The following GALNTL6 variants were observed in gnomAD, a reference collection of about 807,000 sequenced individuals.
GALNTL6 encodes the protein polypeptide N-acetylgalactosaminyltransferase-like 6.
A neutral mutation model predicts 73.7 loss-of-function variants in GALNTL6; 46 were observed. That is an observed-to-expected ratio of 0.62 (90% CI 0.49 to 0.80). The LOEUF (loss-of-function observed/expected upper bound fraction) is 0.80. Among genes scored for constraint, GALNTL6 ranks in the 30% least tolerant of loss-of-function variants. The pLI, the probability that GALNTL6 is intolerant of heterozygous loss-of-function variation, is 0.00. For synonymous variants in GALNTL6, 259 were observed against 263.7 expected (o/e 0.98, Z 0.17); for missense variants, 604 against 755.0 (o/e 0.80, Z 2.34).
At chr4:172,099,039 C>G (rs1280981550) in intron 2 of GALNTL6, among the ~76,000 whole-genome samples, 1 of 152,048 alleles carries the variant, frequency 6.6e-6, no homozygotes, top group African/African-American at 2.4e-5. Context: ...GGATACCACA[C>G]CTAAATATAT....
intron 5 of GALNTL6, among the ~76,000 whole-genome samples, chr4:172,601,852 A>G (rs1738062003): frequency 6.7e-6 from 1 of 149,736 alleles, no homozygotes; most frequent in Non-Finnish European, 1.5e-5. Context: ...AATTTAATGA[A>G]AACCTGTTAA....
intron 7 of GALNTL6, among the ~76,000 whole-genome samples, chr4:172,840,709 G>A (rs1743160622): frequency 6.6e-6 from 1 of 152,136 alleles, no homozygotes; most frequent in African/African-American, 2.4e-5. Context: ...GTTTGAAATG[G>A]CACAAATGTA....
At chr4:172,585,232 T>G (rs894720015) in intron 5 of GALNTL6, among the ~76,000 whole-genome samples, 2 of 152,210 alleles carry the variant, frequency 1.3e-5, no homozygotes, top group African/African-American at 4.8e-5. Flanking sequence ...TTGTCTCTCC[T>G]ACTAGACTTT....
intron 2 of GALNTL6, among the ~76,000 whole-genome samples, chr4:172,190,806 G>T (rs1057275285): frequency 6.6e-6 from 1 of 152,234 alleles, no homozygotes; most frequent in African/African-American, 2.4e-5. Context: ...ACACTGTGAC[G>T]AAGGAAAATT....
At chr4:172,376,852 G>A (rs183669454) in intron 5 of GALNTL6, among the ~76,000 whole-genome samples, 25 of 152,272 alleles carry the variant, frequency 1.6e-4, no homozygotes, top group African/African-American at 5.8e-4. Context: ...AGTTCTTAAA[G>A]ATGGTGTGTC....
At chr4:171,861,627 A>T (rs1053890243) in intron 2 of GALNTL6, among the ~76,000 whole-genome samples, 5 of 152,128 alleles carry the variant, frequency 3.3e-5, no homozygotes, top group African/African-American at 1.2e-4. Flanking sequence ...AGTTGTTCCC[A>T]GCCACTCCCA....
intron 3 of GALNTL6, among the ~76,000 whole-genome samples, chr4:172,282,211 T>C (rs866125096): frequency 2.4e-4 from 36 of 151,882 alleles, no homozygotes; most frequent in Admixed American, 1.9e-3. Flanking sequence ...CCAGAGAAAA[T>C]AGTCTAGAGA....
intron 2 of GALNTL6, among the ~76,000 whole-genome samples, chr4:171,883,298 G>A (rs1299170122): frequency 6.6e-6 from 1 of 152,074 alleles, no homozygotes; most frequent in Non-Finnish European, 1.5e-5. Context: ...GTTGCAGTGA[G>A]CCGAGATCCT....
At chr4:171,978,653 A>T (rs1435099666) in intron 2 of GALNTL6, among the ~76,000 whole-genome samples, 4 of 152,186 alleles carry the variant, frequency 2.6e-5, no homozygotes, top group African/African-American at 9.7e-5. Flanking sequence ...TGTTTTCTAA[A>T]TTATTCCAAG....
At chr4:172,142,675 A>C (rs1285466369) in intron 2 of GALNTL6, among the ~76,000 whole-genome samples, 1 of 151,994 alleles carries the variant, frequency 6.6e-6, no homozygotes, top group Non-Finnish European at 1.5e-5. Context: ...ACTCATACCA[A>C]TGAGTAATAC....
chr4:172,373,303 C>G (rs1579006793), intron 5 of GALNTL6, among the ~76,000 whole-genome samples: 1 of 152,108 alleles, frequency 6.6e-6, no homozygotes, highest in South Asian at 2.1e-4. Context: ...AACAGTGAAT[C>G]ATTCTGCTTC....
intron 5 of GALNTL6, among the ~76,000 whole-genome samples, chr4:172,362,591 C>T (rs1742411127): frequency 6.6e-6 from 1 of 152,036 alleles, no homozygotes; most frequent in Admixed American, 6.6e-5. Context: ...GCACACTATA[C>T]CTGGGTGATC....
At chr4:172,113,201 C>T (rs1007607131) in intron 2 of GALNTL6, among the ~76,000 whole-genome samples, 19 of 152,000 alleles carry the variant, frequency 1.3e-4, no homozygotes, top group Admixed American at 1.3e-4. Flanking sequence ...TTTTATTTCA[C>T]TAGCCTCACA....
chr4:172,552,836 G>GAAAAAAAA (rs1736003479), intron 5 of GALNTL6, among the ~76,000 whole-genome samples: 1 of 2,854 alleles, frequency 3.5e-4, no homozygotes, highest in Non-Finnish European at 5.4e-4. Context: ...AGTAATTGCA[G>GAAAAAAAA]TAAAAAAAAA....
chr4:172,864,356 A>T (rs1744555819), intron 7 of GALNTL6, among the ~76,000 whole-genome samples: 1 of 152,238 alleles, frequency 6.6e-6, no homozygotes, highest in South Asian at 2.1e-4. Context: ...TCCTAGCCAG[A>T]ATCATAAATA....
chr4:171,934,020 G>T (rs1446253528), intron 2 of GALNTL6, among the ~76,000 whole-genome samples: 1 of 152,118 alleles, frequency 6.6e-6, no homozygotes, highest in East Asian at 1.9e-4. Flanking sequence ...ACAGGTTAAA[G>T]TTTTTGGCTT....
intron 5 of GALNTL6, among the ~76,000 whole-genome samples, chr4:172,763,358 A>G (rs1475656645): frequency 2.6e-5 from 4 of 152,186 alleles, no homozygotes; most frequent in African/African-American, 9.6e-5. Context: ...TCTTAGATTT[A>G]TTTTCTCACT....
intron 5 of GALNTL6, among the ~76,000 whole-genome samples, chr4:172,432,659 C>A (rs1485866116): frequency 6.6e-6 from 1 of 151,960 alleles, no homozygotes; most frequent in Non-Finnish European, 1.5e-5. Context: ...TAAAAATCAT[C>A]AGGCTGTACA....
chr4:172,696,597 T>A (rs2111274823), intron 5 of GALNTL6, among the ~76,000 whole-genome samples: 1 of 152,266 alleles, frequency 6.6e-6, no homozygotes, highest in East Asian at 1.9e-4. Context: ...TGAATACATC[T>A]TACAAGATCT....
Sources: allele counts gnomAD v4.1 joint callset (sites outside exome capture counted in the v4.1 genomes callset), GRCh38; gene constraint gnomAD v4.1.1; transcripts MANE v1.5; gene names NCBI Gene and HGNC (gene_info 2026-07-23, HGNC 2026-07-21).